ARHGAP17: variants seen among roughly 807,000 people sequenced by gnomAD.
The protein encoded by ARHGAP17 is Rho GTPase activating protein 17, also known as rho GTPase-activating protein 17.
In ARHGAP17, 57 loss-of-function variants were observed where a neutral mutation model predicts 99.5. The observed-to-expected ratio is 0.57, with a 90% CI of 0.46 to 0.71. ARHGAP17 has a LOEUF of 0.71. Ranked by LOEUF, ARHGAP17 falls within the 30% of genes least tolerant of loss-of-function variation. The probability of loss-of-function intolerance (pLI) is 0.00; values close to 1 mark genes in which losing one functional copy is unlikely to be tolerated. For missense variants in ARHGAP17, 1,000 were observed against 1,122.4 expected (o/e 0.89, Z 1.56); for synonymous variants, 417 against 429.6 (o/e 0.97, Z 0.36).
chr16:24,958,389 G>A (rs1017410030), intron 9 of ARHGAP17, among the ~76,000 whole-genome samples: 5 of 152,194 alleles, frequency 3.3e-5, no homozygotes, highest in Admixed American at 6.5e-5. Context: ...GCCCACAGCA[G>A]ATATCTCATA....
intron 19 of ARHGAP17, among the ~76,000 whole-genome samples, chr16:24,929,929 CA>C (rs1214615964): frequency 2.6e-5 from 4 of 152,158 alleles, no homozygotes; most frequent in Non-Finnish European, 4.4e-5. Context: ...AAAGTGCCTC[CA>C]CTTAGAACAA....
chr16:24,949,918 C>G (rs113901035), intron 12 of ARHGAP17, among the ~76,000 whole-genome samples: 1 of 152,180 alleles, frequency 6.6e-6, no homozygotes, highest in African/African-American at 2.4e-5. Context: ...GGTCTTTCCT[C>G]GCTTGCAATA....
rs143931973 is a variant in ARHGAP17 at position 24,979,804 on chromosome 16, G to A, written c.54-799C>T. On this transcript the variant is annotated intron_variant, in intron 1 of 19. Coordinates refer to ENST00000289968, the MANE Select transcript of ARHGAP17 (RefSeq NM_001006634.3). The stretch of plus-strand genomic sequence containing the variant: ...CAGCTCACTGCAACCTCCACCTCCC[G>A]GATTCAAGCGATTCTCGTGCCTTAG... Among the ~76,000 whole-genome samples the A allele has an allele frequency of 7.5e-3, 1,146 of 152,044 alleles. 7 individuals are homozygous for A. The highest frequency in any genetic ancestry group is 0.013 in the Non-Finnish European group (868 of 67,988).
intron 2 of ARHGAP17, 122 bp downstream of exon 2, chr16:24,978,840 CTAAT>C: frequency 1.5e-6 from 1 of 686,394 alleles, no homozygotes; most frequent in South Asian, 2.0e-5. Context: ...CAAAATCACA[CTAAT>C]TAATTTTATT....
In ARHGAP17 at chr16:24,955,963, CCCT is replaced by C. The variant is rs2051795457; in HGVS notation, c.725-1236_725-1234del. ...CAGCCACTCTCAGAATTGTGGGGAG[CCCT>C]CCTCGTCTCTGGCCCGGCCCCAGCT... On this transcript the variant is annotated intron_variant, in intron 9 of 19. Transcript: ENST00000289968. The surrounding 1 kb of genome is among the most constrained non-coding windows in gnomAD (Gnocchi z 4.0). 4 of 152,362 alleles carry C rather than the reference CCCT, an allele frequency of 2.6e-5. No individual in the cohort carries two copies. Among genetic ancestry groups the C allele is most frequent in the Non-Finnish European group, 4.4e-5 (3 of 68,112 alleles). The allele number at this position is 152,362 out of a possible 1,614,324, so 9.4% of individuals were successfully genotyped here.
chr16:24,977,749 C>T (rs906381329), intron 2 of ARHGAP17, among the ~76,000 whole-genome samples: 2 of 152,090 alleles, frequency 1.3e-5, no homozygotes, highest in Non-Finnish European at 2.9e-5. Context: ...GCAGAATGGA[C>T]AGTCAGCAAT....
chr16:25,014,379 C>T (rs577220577), intron 1 of ARHGAP17, among the ~76,000 whole-genome samples: 1 of 152,300 alleles, frequency 6.6e-6, no homozygotes, highest in South Asian at 2.1e-4. Context: ...TCTCAAAAAC[C>T]ACAAATCATT....
chr16:24,991,123 T>C (rs1163955169), intron 1 of ARHGAP17, among the ~76,000 whole-genome samples: 1 of 152,184 alleles, frequency 6.6e-6, no homozygotes, highest in Admixed American at 6.5e-5. Context: ...AACTAAGAGT[T>C]AGGGCTCTGG....
intron 1 of ARHGAP17, among the ~76,000 whole-genome samples, chr16:25,006,461 A>AAG (rs2053510211): frequency 6.6e-6 from 1 of 151,838 alleles, no homozygotes. Context: ...AAAAAAAAAA[A>AAG]AAAAAGAAAA....
chr16:25,002,825 G>A (rs2053398900), intron 1 of ARHGAP17, among the ~76,000 whole-genome samples: 1 of 152,134 alleles, frequency 6.6e-6, no homozygotes, highest in Non-Finnish European at 1.5e-5. Context: ...GATCACCTGA[G>A]GTCAGGAGTT....
At chr16:25,007,553 A>G (rs1692811184) in intron 1 of ARHGAP17, among the ~76,000 whole-genome samples, 1 of 152,030 alleles carries the variant, frequency 6.6e-6, no homozygotes, top group African/African-American at 2.4e-5. Flanking sequence ...GTGTGTAGAG[A>G]CAGGATCTTG....
At chr16:24,963,311 A>T (rs2052070016) in intron 7 of ARHGAP17, among the ~76,000 whole-genome samples, 1 of 152,144 alleles carries the variant, frequency 6.6e-6, no homozygotes, top group Non-Finnish European at 1.5e-5. Context: ...TATTATTTTT[A>T]TATTTTTCTT....
rs1394557363 is a variant in ARHGAP17 at position 24,931,246 on chromosome 16, G to A, written c.2053C>T (p.Pro685Ser). ...GAGGGGGCGGAGGGCTGGCCTGGAG[G>A]CTGGCCCGTGTGCTGGGTGGGAGGA... is the stretch of plus-strand genomic sequence containing the variant. ...PSPPTQHTGQ[P>S]PGQPSAPSQL... Residue 685 changes from proline (P) to serine (S), a missense_variant, in exon 19 of 20, where the codon CCT becomes TCT. Physicochemically the swap from Pro to Ser is moderately conservative, Grantham distance 74. Coordinates refer to ENST00000289968, the MANE Select transcript of ARHGAP17 (RefSeq NM_001006634.3). 6.5e-7 allele frequency: 1 copy of A among 1,544,464 alleles called. No individual in the cohort carries two copies. The highest frequency in any genetic ancestry group is 8.7e-7 in the Non-Finnish European group (1 of 1,145,634).
intron 6 of ARHGAP17, 144 bp downstream of exon 6, chr16:24,968,207 T>G (rs1203787857): frequency 1.3e-6 from 1 of 799,760 alleles, no homozygotes; most frequent in African/African-American, 1.7e-5. Flanking sequence ...GAACAAGGCC[T>G]ATAGGAGGTG....
intron 1 of ARHGAP17, among the ~76,000 whole-genome samples, chr16:24,989,799 G>A (rs1312028892): frequency 1.3e-5 from 2 of 151,024 alleles, no homozygotes; most frequent in African/African-American, 4.8e-5. Context: ...ATATGTGGGA[G>A]CCAAAAAAAA....
rs200945975 is a variant in ARHGAP17, at chr16:24,920,164, T to C, written c.2612A>G (p.Asp871Gly). 2.5e-6 allele frequency: 4 copies of C among 1,614,126 alleles called. No individual in the cohort carries two copies. The highest frequency in any genetic ancestry group is 3.4e-6 in the Non-Finnish European group (4 of 1,180,014). The change falls in exon 20 of 20, where the codon GAT becomes GGT. Residue 871 changes from aspartate (D) to glycine (G), a missense_variant. By Grantham distance (94) the Asp-to-Gly change is moderately conservative (BLOSUM62 -1). Transcript: ENST00000289968. ...SKDVPGRILL[D>G]IDNDTESTAL ...AGTGCTCTCGGTATCATTGTCTATA[T>C]CCAGCAGGATGCGGCCAGGCACGTC...
chr16:24,927,781 C>A, intron 19 of ARHGAP17: 1 of 820,014 alleles, frequency 1.2e-6, no homozygotes, highest in Non-Finnish European at 1.7e-6. Context: ...TTGCTAAAAT[C>A]TATTACTTCA....
chr16:24,947,992 T>C (rs1011832130), intron 13 of ARHGAP17, among the ~76,000 whole-genome samples: 1 of 152,246 alleles, frequency 6.6e-6, no homozygotes, highest in Admixed American at 6.5e-5. Flanking sequence ...AAACACTTTA[T>C]GGTGGAATTA....
chr16:24,983,050 G>T, intron 1 of ARHGAP17, among the ~76,000 whole-genome samples: 1 of 130,430 alleles, frequency 7.7e-6, no homozygotes, highest in Non-Finnish European at 1.5e-5. Flanking sequence ...TGTCACCCAG[G>T]CTGGAGTGCA....
Sources: allele counts gnomAD v4.1 joint callset (sites outside exome capture counted in the v4.1 genomes callset), GRCh38; gene constraint gnomAD v4.1.1; non-coding constraint Gnocchi (gnomAD v3.1); transcripts MANE v1.5; gene names NCBI Gene and HGNC (gene_info 2026-07-23, HGNC 2026-07-21).